CGRRF1: variants seen among roughly 807,000 people sequenced by gnomAD.
CGRRF1 encodes cell growth regulator with RING finger domain protein 1.
A neutral mutation model predicts 37.2 loss-of-function variants in CGRRF1; 32 were observed. The observed-to-expected ratio is 0.86, with a 90% CI of 0.65 to 1.16. The LOEUF is 1.16. CGRRF1 is among the 50% of genes most tolerant of loss of function. CGRRF1 has a pLI of 0.00. For synonymous variants in CGRRF1, 141 were observed against 140.3 expected, an observed-to-expected ratio of 1.00 and a Z score of -0.04; for missense variants, 391 against 382.6, an observed-to-expected ratio of 1.02 and a Z score of -0.18.
intron 1 of CGRRF1, among the ~76,000 whole-genome samples, chr14:54,521,389 A>G (rs944314623): frequency 3.1e-4 from 47 of 150,938 alleles, no homozygotes; most frequent in Non-Finnish European, 2.8e-4. Flanking sequence ...TTAACCCGGG[A>G]GGCAGAGGTT....
At chr14:54,530,584 T>G in intron 3 of CGRRF1, 1 of 1,049,854 alleles carries the variant, frequency 9.5e-7, no homozygotes, top group South Asian at 2.2e-5. Flanking sequence ...GAACAGTATT[T>G]GTATCCTTTC....
chr14:54,538,066 C>T lies in CGRRF1; in HGVS notation c.682C>T (p.Leu228Phe). The change falls in exon 6 of 6, where the codon CTT becomes TTT. Residue 228 changes from leucine (L) to phenylalanine (F), a missense_variant. Coordinates refer to ENST00000216420, the MANE Select transcript of CGRRF1 (RefSeq NM_006568.3). Reference sequence around the variant, plus strand: ...AATTTATTTCTTTGATTTTCAGCAACTTTTCATGTCTGCAAATAATAATTT... The same window carrying T: ...AATTTATTTCTTTGATTTTCAGCAATTTTTCATGTCTGCAAATAATAATTT... ...AQGQFHDLKQ[L>F]FMSANNNFTP... 6.3e-7 allele frequency: 1 copy of T among 1,592,364 alleles called. No homozygotes were observed. Among genetic ancestry groups the T allele is most frequent in the Non-Finnish European group, 8.5e-7 (1 of 1,171,744 alleles).
intron 1 of CGRRF1, chr14:54,510,401 C>T (rs1033551054): frequency 6.9e-5 from 23 of 335,708 alleles, no homozygotes; most frequent in African/African-American, 4.5e-4. Context: ...CTCTAGTAGG[C>T]TTCTGTCCCG....
intron 2 of CGRRF1, among the ~76,000 whole-genome samples, chr14:54,524,608 G>C (rs1257679354): frequency 1.3e-5 from 2 of 151,968 alleles, no homozygotes; most frequent in Non-Finnish European, 2.9e-5. Context: ...GCCCAGGCTG[G>C]TCTCAAACTT....
At chr14:54,522,925 T>G (rs2032346403) in intron 2 of CGRRF1, among the ~76,000 whole-genome samples, 1 of 152,214 alleles carries the variant, frequency 6.6e-6, no homozygotes, top group South Asian at 2.1e-4. Context: ...GTGTTATGTC[T>G]AAATACAGTT....
At chr14:54,524,159 A>G (rs759033581) in intron 2 of CGRRF1, among the ~76,000 whole-genome samples, 27 of 152,082 alleles carry the variant, frequency 1.8e-4, no homozygotes, top group Non-Finnish European at 2.5e-4. Flanking sequence ...GCAGTCATCA[A>G]ATCCAGTGGG....
At chr14:54,510,276 C>G (rs548252375) in intron 1 of CGRRF1, 1 of 571,644 alleles carries the variant, frequency 1.7e-6, no homozygotes, top group Admixed American at 3.2e-5. Context: ...TGGTCCGTGT[C>G]GCTGGGGCAT....
chr14:54,538,304 T>A lies in CGRRF1; in HGVS notation c.920T>A (p.Met307Lys). 1 of 1,614,174 alleles carries A rather than the reference T, an allele frequency of 6.2e-7. No individual in the cohort carries two copies. The highest frequency in any genetic ancestry group is 8.5e-7 in the Non-Finnish European group (1 of 1,180,002). ...GTGAAGTATTTTCAGCAGTGCCCAATGTGCAGGCAGTTTGTTCAGGAATCT... is the reference window on the plus strand; with the variant it reads ...GTGAAGTATTTTCAGCAGTGCCCAAAGTGCAGGCAGTTTGTTCAGGAATCT... ...GCVKYFQQCP[M>K]CRQFVQESFA... The change falls in exon 6 of 6, where the codon ATG (methionine) becomes AAG (lysine). Residue 307 changes from methionine (M) to lysine (K), a missense_variant. Met to Lys is a moderately conservative substitution (Grantham distance 95). Coordinates refer to ENST00000216420, the MANE Select transcript of CGRRF1 (RefSeq NM_006568.3).
At chr14:54,532,326 C>T (rs1186987987) in intron 4 of CGRRF1, among the ~76,000 whole-genome samples, 1 of 151,650 alleles carries the variant, frequency 6.6e-6, no homozygotes, top group Non-Finnish European at 1.5e-5. Flanking sequence ...TTATTTTTTC[C>T]AAGTCATGGG....
chr14:54,512,714 C>T (rs1434398459), intron 1 of CGRRF1, among the ~76,000 whole-genome samples: 1 of 152,182 alleles, frequency 6.6e-6, no homozygotes, highest in African/African-American at 2.4e-5. Flanking sequence ...CACAATAGTG[C>T]CTCACTCTGG....
chr14:54,538,419 A>G lies in CGRRF1; in HGVS notation c.*36A>G, dbSNP rs1345197496. The G allele has an allele frequency of 1.4e-6, 2 of 1,435,260 alleles. No homozygotes were observed. Among genetic ancestry groups the G allele is most frequent in the African/African-American group, 2.8e-5 (2 of 70,536 alleles). 88.9% of individuals were successfully genotyped at this position (1,435,260 alleles called of 1,614,324 possible). On this transcript the variant is annotated 3_prime_UTR_variant, in exon 6 of 6. Transcript: ENST00000216420. ...ACACTGAAAAGTACACTTTCTACTA[A>G]AGATGCAGAAATTGATGATCTTGGA...
At position 54,538,486 on chromosome 14, in the gene CGRRF1, A is replaced by G. The variant is rs2032638304; in HGVS notation, c.*103A>G. The G allele has an allele frequency of 1.3e-6, 1 of 762,460 alleles. No homozygotes were observed. Among genetic ancestry groups the G allele is most frequent in the Non-Finnish European group, 2.1e-6 (1 of 484,648 alleles). 47.2% of individuals were successfully genotyped at this position (762,460 alleles called of 1,614,324 possible). ...AATCTACAGTACTGACCATCAATGA[A>G]AATTATATTTTAACTTCATATTTGT... On this transcript the variant is annotated 3_prime_UTR_variant, in exon 6 of 6. Coordinates refer to ENST00000216420, the MANE Select transcript of CGRRF1 (RefSeq NM_006568.3).
chr14:54,515,382 G>A lies in CGRRF1; in HGVS notation c.104+5319G>A, dbSNP rs368094091. On this transcript the variant is annotated intron_variant, in intron 1 of 5. Transcript: ENST00000216420. ...GCTGGGATTACAGGTGTGAGTCACC[G>A]CGCCCGGCCGGGTGAGATGTTTTAT... Among the ~76,000 whole-genome samples, 21 of 152,044 alleles carry A rather than the reference G, an allele frequency of 1.4e-4. 1 individual carries two copies. In the East Asian group the frequency reaches 1.7e-3, roughly 13 times the overall value.
chr14:54,524,574 G>A (rs2032381279), intron 2 of CGRRF1, among the ~76,000 whole-genome samples: 1 of 151,528 alleles, frequency 6.6e-6, no homozygotes, highest in South Asian at 2.1e-4. Flanking sequence ...AATGTTTTTT[G>A]TGGAGATGGG....
intron 1 of CGRRF1, among the ~76,000 whole-genome samples, chr14:54,511,496 G>A (rs991372828): frequency 1.3e-5 from 2 of 152,222 alleles, no homozygotes; most frequent in Non-Finnish European, 2.9e-5. Context: ...TAATGTTAGT[G>A]TTATTCTCTT....
intron 1 of CGRRF1, among the ~76,000 whole-genome samples, chr14:54,511,964 T>G (rs536789657): frequency 6.6e-6 from 1 of 152,364 alleles, no homozygotes; most frequent in East Asian, 1.9e-4. Flanking sequence ...GATAAACTTT[T>G]TACTATGTTT....
chr14:54,521,335 C>T (rs1276898191), intron 1 of CGRRF1, among the ~76,000 whole-genome samples: 1 of 151,754 alleles, frequency 6.6e-6, no homozygotes, highest in Non-Finnish European at 1.5e-5. Flanking sequence ...GTGGCACATG[C>T]CTGTAATCTC....
intron 1 of CGRRF1, chr14:54,510,302 C>G: frequency 1.8e-6 from 1 of 544,052 alleles, no homozygotes; most frequent in Non-Finnish European, 3.3e-6. Flanking sequence ...GGTGGTACCG[C>G]ATTGGGGTGT....
intron 4 of CGRRF1, among the ~76,000 whole-genome samples, chr14:54,535,359 T>TCTCACACACACACACACA (rs1555330022): frequency 7.1e-6 from 1 of 140,498 alleles, no homozygotes; most frequent in East Asian, 2.2e-4. Flanking sequence ...AAGGGTATAG[T>TCTCACACACACACACACA]CACACACACA....
Sources: gnomAD v4.1 joint callset for allele counts (sites outside exome capture counted in the v4.1 genomes callset) on GRCh38, gnomAD v4.1.1 for gene constraint, MANE v1.5 for transcripts, NCBI Gene and HGNC (gene_info 2026-07-23, HGNC 2026-07-21) for gene names.